The following GABRG3 variants were observed in gnomAD, a reference collection of about 807,000 sequenced individuals.
GABRG3 encodes the protein gamma-aminobutyric acid type A receptor subunit gamma3.
In GABRG3, 25 loss-of-function variants were observed where a neutral mutation model predicts 48.8. That is an observed-to-expected ratio of 0.51 (90% confidence interval 0.37 to 0.72). The LOEUF (loss-of-function observed/expected upper bound fraction) is 0.72, where lower values mean the gene tolerates loss of function less well. Ranked by LOEUF, GABRG3 falls within the 30% of genes least tolerant of loss-of-function variation. The pLI is 0.00. For missense variants in GABRG3, 394 were observed against 577.9 expected, an observed-to-expected ratio of 0.68 and a Z score of 3.26; for synonymous variants, 227 against 217.6, an observed-to-expected ratio of 1.04 and a Z score of -0.38.
At chr15:27,157,027 G>A (rs1228210675) in intron 3 of GABRG3, among the ~76,000 whole-genome samples, 1 of 152,086 alleles carries the variant, frequency 6.6e-6, no homozygotes, top group East Asian at 1.9e-4. Flanking sequence ...CCCTCCCCCA[G>A]CCCCAAGTCC....
chr15:27,268,529 T>C (rs1890988789), intron 3 of GABRG3, among the ~76,000 whole-genome samples: 1 of 152,138 alleles, frequency 6.6e-6, no homozygotes, highest in African/African-American at 2.4e-5. Context: ...TTTACTCTGA[T>C]TTTTATATTT....
intron 3 of GABRG3, among the ~76,000 whole-genome samples, chr15:27,189,916 T>C (rs1489788878): frequency 1.3e-5 from 2 of 152,152 alleles, no homozygotes; most frequent in Non-Finnish European, 2.9e-5. Flanking sequence ...ACCTAATTTA[T>C]TGAGAGTTTT....
intron 3 of GABRG3, among the ~76,000 whole-genome samples, chr15:27,277,102 G>T (rs1891281144): frequency 6.6e-6 from 1 of 152,266 alleles, no homozygotes; most frequent in Admixed American, 6.5e-5. Context: ...CTTGCCTGTG[G>T]CAGGGAAGGA....
intron 3 of GABRG3, among the ~76,000 whole-genome samples, chr15:27,204,793 T>C (rs181244257): frequency 4.1e-4 from 63 of 152,248 alleles, no homozygotes; most frequent in African/African-American, 1.3e-3. Context: ...GTCATTCTTT[T>C]TGTGGCCATT....
At chr15:27,254,011 T>C (rs1051065663) in intron 3 of GABRG3, among the ~76,000 whole-genome samples, 2 of 152,208 alleles carry the variant, frequency 1.3e-5, no homozygotes, top group African/African-American at 2.4e-5. Flanking sequence ...AGTGACCTGA[T>C]CTCATGCTTG....
rs966520469 is a variant in GABRG3, at chr15:27,519,979, T to C, written c.720T>C (p.Tyr240=). The change falls in exon 7 of 10, where the codon TAT becomes TAC. Residue 240 remains tyrosine (Y), a synonymous_variant. Coordinates refer to ENST00000615808, the MANE Select transcript of GABRG3 (RefSeq NM_033223.5). ...TEIVTTSAGD[Y]VVMTIYFELS... is the part of the protein sequence containing the mutation. ...GACAATATTTTATTACAGGTGATTA[T>C]GTTGTCATGACTATATATTTTGAAT... 9 of 1,539,148 alleles carry C rather than the reference T, an allele frequency of 5.8e-6. 1 individual carries two copies. The African/African-American group carries it at 1.1e-4, about 19-fold the overall frequency.
At chr15:26,993,321 T>A in intron 2 of GABRG3, among the ~76,000 whole-genome samples, 1 of 152,092 alleles carries the variant, frequency 6.6e-6, no homozygotes, top group East Asian at 1.9e-4. Context: ...GAAGTTTTTC[T>A]TTTTCTATGT....
intron 5 of GABRG3, among the ~76,000 whole-genome samples, chr15:27,329,286 T>G (rs1022492715): frequency 3.3e-5 from 5 of 152,210 alleles, no homozygotes; most frequent in Admixed American, 6.5e-5. Flanking sequence ...TTATTGAAAC[T>G]GAGTTTTGCT....
intron 5 of GABRG3, among the ~76,000 whole-genome samples, chr15:27,350,577 C>A (rs866881297): frequency 2.6e-5 from 4 of 152,166 alleles, no homozygotes; most frequent in Non-Finnish European, 5.9e-5. Flanking sequence ...TGTGTGGAAA[C>A]CCCCTCCTCT....
intron 5 of GABRG3, among the ~76,000 whole-genome samples, chr15:27,335,135 T>C (rs1039377177): frequency 1.3e-5 from 2 of 152,258 alleles, no homozygotes; most frequent in Admixed American, 6.5e-5. Flanking sequence ...ATCTTTTGAC[T>C]TTTGTGACTG....
intron 3 of GABRG3, among the ~76,000 whole-genome samples, chr15:27,308,461 A>G (rs1892824915): frequency 6.8e-6 from 1 of 146,576 alleles, no homozygotes; most frequent in African/African-American, 2.5e-5. Flanking sequence ...GCAAACATAC[A>G]TGTTTATATA....
chr15:26,989,317 T>C (rs1421631249), intron 2 of GABRG3, among the ~76,000 whole-genome samples: 7 of 152,224 alleles, frequency 4.6e-5, no homozygotes, highest in Non-Finnish European at 1.0e-4. Flanking sequence ...ACTGATAACA[T>C]TAAACAGGCA....
intron 6 of GABRG3, among the ~76,000 whole-genome samples, chr15:27,498,565 G>C (rs140304841): frequency 6.6e-6 from 1 of 151,670 alleles, no homozygotes. Flanking sequence ...GCGTGATGTC[G>C]GCTCACTGCA....
intron 3 of GABRG3, among the ~76,000 whole-genome samples, chr15:27,080,419 C>G (rs1339507821): frequency 6.6e-6 from 1 of 152,132 alleles, no homozygotes. Context: ...CCACTCCAGC[C>G]TGGGTGACAG....
intron 6 of GABRG3, among the ~76,000 whole-genome samples, chr15:27,510,593 A>C (rs948368022): frequency 2.0e-5 from 3 of 152,232 alleles, no homozygotes; most frequent in Non-Finnish European, 4.4e-5. Context: ...CCATTTAAAA[A>C]GATGGTGGTG....
At chr15:27,224,368 C>A (rs182156189) in intron 3 of GABRG3, among the ~76,000 whole-genome samples, 21 of 152,278 alleles carry the variant, frequency 1.4e-4, no homozygotes, top group Admixed American at 5.2e-4. Flanking sequence ...GCCAGCCTTA[C>A]CAGCTGCATA....
intron 6 of GABRG3, among the ~76,000 whole-genome samples, chr15:27,498,243 T>C (rs989947186): frequency 3.3e-5 from 5 of 152,086 alleles, no homozygotes; most frequent in Non-Finnish European, 7.4e-5. Context: ...TCCCTCAGAC[T>C]GTGAGACTAG....
At chr15:27,309,987 A>G (rs1036592742) in intron 3 of GABRG3, among the ~76,000 whole-genome samples, 11 of 152,148 alleles carry the variant, frequency 7.2e-5, no homozygotes, top group Admixed American at 5.9e-4. Flanking sequence ...TTTATAAAAA[A>G]TAATGAACTT....
chr15:27,109,088 C>T (rs1301720288), intron 3 of GABRG3, among the ~76,000 whole-genome samples: 2 of 152,098 alleles, frequency 1.3e-5, no homozygotes, highest in African/African-American at 2.4e-5. Context: ...AATATTCCTC[C>T]GATGTTACAC....
Sources: allele counts gnomAD v4.1 joint callset (sites outside exome capture counted in the v4.1 genomes callset), GRCh38; gene constraint gnomAD v4.1.1; transcripts MANE v1.5; gene names NCBI Gene and HGNC (gene_info 2026-07-23, HGNC 2026-07-21).